CPQ: variants seen among roughly 807,000 people sequenced by gnomAD.
CPQ encodes the protein Ser-Met dipeptidase.
A neutral mutation model predicts 45.7 loss-of-function variants in CPQ; 37 were observed. The observed-to-expected ratio is 0.81, with a 90% CI of 0.62 to 1.07. The LOEUF is 1.07. Ranked by LOEUF, CPQ falls within the 50% of genes least tolerant of loss-of-function variation. The probability of loss-of-function intolerance (pLI) is 0.00; values close to 1 mark genes in which losing one functional copy is unlikely to be tolerated. For synonymous variants in CPQ, 186 were observed against 205.8 expected, an observed-to-expected ratio of 0.90 and a Z score of 0.82; for missense variants, 537 against 572.9, an observed-to-expected ratio of 0.94 and a Z score of 0.64.
chr8:96,875,790 T>C (rs1812137309), intron 3 of CPQ, among the ~76,000 whole-genome samples: 2 of 151,988 alleles, frequency 1.3e-5, no homozygotes, highest in Non-Finnish European at 2.9e-5. Flanking sequence ...TTGAATGATT[T>C]CCATATGAAT....
At chr8:96,777,865 A>G (rs1330926742) in intron 1 of CPQ, among the ~76,000 whole-genome samples, 2 of 136,338 alleles carry the variant, frequency 1.5e-5, no homozygotes, top group Non-Finnish European at 3.0e-5. Context: ...AGTAGCTGGG[A>G]CTACAGGCGC....
chr8:96,689,124 A>G lies in CPQ; in HGVS notation c.-35+43722A>G, dbSNP rs1034953904. 2.0e-5 allele frequency among the ~76,000 whole-genome samples: 3 copies of G among 152,224 alleles called. No homozygotes were observed. In the East Asian group the frequency reaches 5.8e-4, roughly 29 times the overall value. On this transcript the variant is annotated intron_variant, in intron 1 of 7. Coordinates refer to ENST00000220763, the MANE Select transcript of CPQ (RefSeq NM_016134.4). ...TTGGACAGAATTGAATCACATGTTC[A>G]TGCTAAAACCAGCCAACGTTAAGAG...
chr8:97,123,236 T>TAAAATA (rs1554591681), intron 7 of CPQ, among the ~76,000 whole-genome samples: 1 of 112,538 alleles, frequency 8.9e-6, no homozygotes, highest in African/African-American at 3.3e-5. Flanking sequence ...TAAAATAAAA[T>TAAAATA]AAATAAAATA....
intron 3 of CPQ, among the ~76,000 whole-genome samples, chr8:96,859,309 C>T (rs917750453): frequency 5.3e-5 from 8 of 152,190 alleles, no homozygotes; most frequent in African/African-American, 1.9e-4. Flanking sequence ...GAGATTTGGG[C>T]TTAGCTCTTT....
rs1563586968 is a variant in CPQ, at chr8:97,122,988, A to AAAAT, written c.1256-20028_1256-20025dup. On this transcript the variant is annotated intron_variant, in intron 7 of 7. Transcript: ENST00000220763. ...AAATAAAATAAAATAAAATTAAAAT[A>AAAAT]AAATAAAATAAAATATAAAATAAAA... Among the ~76,000 whole-genome samples, 5 of 72,568 alleles carry AAAAT rather than the reference A, an allele frequency of 6.9e-5. 1 individual carries two copies. Among genetic ancestry groups the AAAAT allele is most frequent in the African/African-American group, 2.8e-4 (4 of 14,130 alleles). The allele number at this position is 72,568 out of a possible 152,430, so 47.6% of individuals were successfully genotyped here. A position where few individuals can be genotyped will look rare whatever the true frequency, so the allele number is the denominator to read the frequency against.
chr8:97,076,254 GAC>G (rs1343917495), intron 7 of CPQ, among the ~76,000 whole-genome samples: 3 of 152,080 alleles, frequency 2.0e-5, no homozygotes, highest in African/African-American at 7.2e-5. Flanking sequence ...TCGAACACCT[GAC>G]GTCGTGATCC....
chr8:97,017,257 T>A (rs1012754400), intron 5 of CPQ, among the ~76,000 whole-genome samples: 9 of 152,182 alleles, frequency 5.9e-5, no homozygotes, highest in Non-Finnish European at 1.3e-4. Flanking sequence ...AAAGTCCCTG[T>A]GGGCTCGCTG....
At position 96,958,963 on chromosome 8, in the gene CPQ, CAT is replaced by C. The variant is rs1218378556; in HGVS notation, c.850-6971_850-6970del. Among the ~76,000 whole-genome samples, 4 of 151,496 alleles carry C rather than the reference CAT, an allele frequency of 2.6e-5. No homozygotes were observed. In the East Asian group the frequency reaches 5.8e-4, roughly 22 times the overall value. On this transcript the variant is annotated intron_variant, in intron 4 of 7. Transcript: ENST00000220763. ...AAGAAATCAATTCAAGAGGAACCCA[CAT>C]GTTTGCTGTGTTGCCTCTGAACACA...
chr8:96,663,744 G>A (rs1808884714), intron 1 of CPQ, among the ~76,000 whole-genome samples: 1 of 151,970 alleles, frequency 6.6e-6, no homozygotes, highest in Admixed American at 6.6e-5. Flanking sequence ...AACAAATATT[G>A]TGTGTGTAGG....
chr8:96,939,354 C>T (rs779608201), intron 4 of CPQ, among the ~76,000 whole-genome samples: 7 of 152,142 alleles, frequency 4.6e-5, no homozygotes, highest in Non-Finnish European at 1.0e-4. Flanking sequence ...TCCTGTTGTG[C>T]GGCCATATTC....
chr8:96,721,798 T>C (rs1358850877), intron 1 of CPQ, among the ~76,000 whole-genome samples: 14 of 152,192 alleles, frequency 9.2e-5, no homozygotes, highest in Non-Finnish European at 2.9e-5. Flanking sequence ...CTCTCGACCT[T>C]GAACCTTTGT....
intron 4 of CPQ, among the ~76,000 whole-genome samples, chr8:96,900,083 G>A (rs1812495759): frequency 6.6e-6 from 1 of 152,110 alleles, no homozygotes. Flanking sequence ...CAGTGAAATA[G>A]GTATTATCCC....
intron 7 of CPQ, among the ~76,000 whole-genome samples, chr8:97,133,909 A>G (rs1359184257): frequency 6.6e-6 from 1 of 152,202 alleles, no homozygotes; most frequent in Non-Finnish European, 1.5e-5. Flanking sequence ...TTTTTAAGTC[A>G]TGAATAATTT....
At chr8:96,911,451 G>A (rs1350981735) in intron 4 of CPQ, among the ~76,000 whole-genome samples, 1 of 152,180 alleles carries the variant, frequency 6.6e-6, no homozygotes, top group African/African-American at 2.4e-5. Flanking sequence ...TCATGCCAAT[G>A]CCCTCATCCA....
intron 5 of CPQ, among the ~76,000 whole-genome samples, chr8:96,984,397 G>A (rs780915086): frequency 7.2e-5 from 11 of 152,134 alleles, no homozygotes; most frequent in Non-Finnish European, 1.6e-4. Flanking sequence ...TAGGTCATGA[G>A]GGATCTGCCC....
chr8:96,766,896 G>T (rs1810474858), intron 1 of CPQ, among the ~76,000 whole-genome samples: 1 of 152,128 alleles, frequency 6.6e-6, no homozygotes, highest in Non-Finnish European at 1.5e-5. Flanking sequence ...TGCTCTGTGT[G>T]TCCTTTGGTT....
intron 7 of CPQ, chr8:97,133,222 G>A (rs755586681): frequency 6.6e-6 from 1 of 152,082 alleles, no homozygotes; most frequent in Non-Finnish European, 1.5e-5. Context: ...TTATGCACAT[G>A]TAAATACATA....
At chr8:96,768,043 C>T (rs961180941) in intron 1 of CPQ, among the ~76,000 whole-genome samples, 8 of 152,118 alleles carry the variant, frequency 5.3e-5, no homozygotes, top group African/African-American at 1.7e-4. Context: ...TTGTCTCTTT[C>T]CAAGTATCTT....
intron 1 of CPQ, among the ~76,000 whole-genome samples, chr8:96,732,643 G>A (rs907063199): frequency 6.6e-6 from 1 of 151,442 alleles, no homozygotes; most frequent in Non-Finnish European, 1.5e-5. Flanking sequence ...TGTTAAAGAT[G>A]CTTATTTGGG....
Sources: allele counts gnomAD v4.1 joint callset (sites outside exome capture counted in the v4.1 genomes callset), GRCh38; gene constraint gnomAD v4.1.1; transcripts MANE v1.5; gene names NCBI Gene and HGNC (gene_info 2026-07-23, HGNC 2026-07-21).